ADCY8: variants seen among roughly 807,000 people sequenced by gnomAD.
ADCY8 encodes adenylate cyclase 8, also known as adenylate cyclase type 8.
Under a neutral mutation model 119.7 loss-of-function variants are expected in ADCY8, and 51 were observed. The ratio of observed to expected loss-of-function variants is 0.43; its 90% CI spans 0.34 to 0.54. The LOEUF is 0.54. ADCY8 is among the 20% of genes least tolerant of loss of function. The pLI is 0.03. For missense variants in ADCY8, 1,383 were observed against 1,598.8 expected, an observed-to-expected ratio of 0.87 and a Z score of 2.30; for synonymous variants, 665 against 651.0, an observed-to-expected ratio of 1.02 and a Z score of -0.33.
intron 9 of ADCY8, among the ~76,000 whole-genome samples, chr8:130,860,211 A>G (rs1363417373): frequency 6.6e-6 from 1 of 151,994 alleles, no homozygotes; most frequent in East Asian, 1.9e-4. Context: ...TTGTTTGGTG[A>G]GTTGTTTGTT....
intron 7 of ADCY8, among the ~76,000 whole-genome samples, chr8:130,885,799 CT>C (rs1818961156): frequency 6.6e-6 from 1 of 152,094 alleles, no homozygotes. Flanking sequence ...TGAAAATTCT[CT>C]GCCTTTATAC....
At chr8:130,999,603 T>C (rs531785100) in intron 1 of ADCY8, among the ~76,000 whole-genome samples, 151 of 152,314 alleles carry the variant, frequency 9.9e-4, no homozygotes, top group African/African-American at 3.5e-3. Context: ...GAAGTTGCAC[T>C]ATATTTTCTT....
intron 13 of ADCY8, among the ~76,000 whole-genome samples, chr8:130,820,520 A>G (rs1416043540): frequency 6.6e-6 from 1 of 152,226 alleles, no homozygotes; most frequent in Non-Finnish European, 1.5e-5. Flanking sequence ...GTTGGAGTTC[A>G]CCTGGAGAAG....
rs1354498800 is a variant in ADCY8, at chr8:130,869,508, A to AT, written c.2110-1563dup. 1.2e-3 allele frequency among the ~76,000 whole-genome samples: 167 copies of AT among 137,120 alleles called. 2 individuals carry two copies. Among genetic ancestry groups the AT allele is most frequent in the Non-Finnish European group, 2.1e-3 (137 of 64,604 alleles). 90.0% of individuals were successfully genotyped at this position (137,120 alleles called of 152,430 possible). On this transcript the variant is annotated intron_variant, in intron 8 of 17. Transcript: ENST00000286355. ...TTACTGTTTTTTTTTTATTTTGTTTATTTTTTTTTGTTTTTTTGTTTTTTT... is the reference window on the plus strand; with the variant it reads ...TTACTGTTTTTTTTTTATTTTGTTTATTTTTTTTTTGTTTTTTTGTTTTTTT...
chr8:130,888,125 C>G lies in ADCY8; in HGVS notation c.1912-3364G>C, dbSNP rs550441655. Among the ~76,000 whole-genome samples the G allele has an allele frequency of 1.3e-3, 190 of 151,782 alleles. 1 individual carries two copies. Among genetic ancestry groups the G allele is most frequent in the Middle Eastern group, 3.4e-3 (1 of 292 alleles). On this transcript the variant is annotated intron_variant, in intron 7 of 17. Coordinates refer to ENST00000286355, the MANE Select transcript of ADCY8 (RefSeq NM_001115.3). ...GAGACGGTTCTTTCACATAAACACT[C>G]TAAACAATTGGCTAAAGAATAGGAA... is the stretch of plus-strand genomic sequence containing the variant.
At chr8:130,838,617 A>G (rs1817058509) in intron 11 of ADCY8, among the ~76,000 whole-genome samples, 1 of 141,188 alleles carries the variant, frequency 7.1e-6, no homozygotes, top group Non-Finnish European at 1.6e-5. Flanking sequence ...GCTTTTTGCA[A>G]ATTATGAATC....
Position 130,800,714 on chromosome 8 carries a change from C to T in ADCY8, c.2914-142G>A, listed in dbSNP as rs534038266. ...AAATGAGGCTTGGATATCGTTATGT[C>T]AACAGTGTGTTTTAGTCCATGTGGG... On this transcript the variant is annotated intron_variant, in intron 14 of 17. Coordinates refer to ENST00000286355, the MANE Select transcript of ADCY8 (RefSeq NM_001115.3). The T allele has an allele frequency of 2.2e-4, 203 of 909,102 alleles. 1 individual carries two copies. The South Asian group carries it at 3.2e-3, about 14-fold the overall frequency. 56.3% of individuals were successfully genotyped at this position (909,102 alleles called of 1,614,324 possible).
chr8:131,022,593 A>G (rs1290991681), intron 1 of ADCY8, among the ~76,000 whole-genome samples: 1 of 152,152 alleles, frequency 6.6e-6, no homozygotes, highest in Non-Finnish European at 1.5e-5. Context: ...ATATTATTTG[A>G]TGTCTATATT....
intron 5 of ADCY8, among the ~76,000 whole-genome samples, chr8:130,922,778 T>C (rs1820355538): frequency 6.6e-6 from 1 of 152,200 alleles, no homozygotes; most frequent in Non-Finnish European, 1.5e-5. Flanking sequence ...TCTTTAGGCA[T>C]AGTCTGTTTC....
chr8:131,008,037 T>G (rs1823180122), intron 1 of ADCY8, among the ~76,000 whole-genome samples: 1 of 151,988 alleles, frequency 6.6e-6, no homozygotes, highest in Admixed American at 6.6e-5. Flanking sequence ...ATATAATTTA[T>G]TGTCCAATCA....
chr8:131,026,560 A>G (rs1415286693), intron 1 of ADCY8, among the ~76,000 whole-genome samples: 1 of 152,146 alleles, frequency 6.6e-6, no homozygotes, highest in African/African-American at 2.4e-5. Flanking sequence ...CCCACAAATT[A>G]TGATCTGCAG....
At chr8:130,857,622 T>C (rs963510384) in intron 9 of ADCY8, among the ~76,000 whole-genome samples, 2 of 152,210 alleles carry the variant, frequency 1.3e-5, no homozygotes, top group Admixed American at 1.3e-4. Context: ...TTTGATCCCA[T>C]TGGCAAGACC....
At chr8:131,022,074 A>G (rs985630587) in intron 1 of ADCY8, among the ~76,000 whole-genome samples, 4 of 152,174 alleles carry the variant, frequency 2.6e-5, no homozygotes, top group African/African-American at 9.7e-5. Flanking sequence ...ATTTTGATAT[A>G]TTATGTAATG....
chr8:130,837,606 C>T (rs185604433), intron 11 of ADCY8, among the ~76,000 whole-genome samples: 1 of 152,332 alleles, frequency 6.6e-6, no homozygotes, highest in East Asian at 1.9e-4. Context: ...TCTACCCCAC[C>T]AGATTTCAGC....
intron 1 of ADCY8, among the ~76,000 whole-genome samples, chr8:131,017,855 G>A (rs1169497365): frequency 6.6e-6 from 1 of 151,872 alleles, no homozygotes; most frequent in African/African-American, 2.4e-5. Context: ...GAGATGAGCA[G>A]ACCAGGTTAG....
intron 17 of ADCY8, 139 bp from the exon 18 acceptor site, chr8:130,781,016 A>T: frequency 8.8e-7 from 1 of 1,139,530 alleles, no homozygotes; most frequent in Non-Finnish European, 1.3e-6. Context: ...GCCCCCAGTC[A>T]CTTATTAGAT....
In ADCY8 at chr8:130,847,448, AAACACAGCTGAGG is replaced by A; in HGVS notation, c.2465_2477del (p.Ser822LeufsTer20). ...CCTCTGGGTAGGAGCAGATATCTGT[AAACACAGCTGAGG>A]AATTGAAAGTCAGGTTCTTCAAGGG... On this transcript the variant is annotated frameshift_variant, in exon 11 of 18. Transcript: ENST00000286355. LOFTEE classifies it high-confidence loss of function. 2 of 1,613,382 alleles carry A rather than the reference AAACACAGCTGAGG, an allele frequency of 1.2e-6. No homozygotes were observed. Among genetic ancestry groups the A allele is most frequent in the Non-Finnish European group, 1.7e-6 (2 of 1,179,572 alleles).
intron 3 of ADCY8, among the ~76,000 whole-genome samples, chr8:130,946,191 G>A (rs962506619): frequency 1.3e-5 from 2 of 152,130 alleles, no homozygotes; most frequent in Non-Finnish European, 2.9e-5. Context: ...TTAATTAAAT[G>A]ACTACTATAC....
At chr8:130,897,841 A>G (rs1005261775) in intron 7 of ADCY8, among the ~76,000 whole-genome samples, 1 of 150,236 alleles carries the variant, frequency 6.7e-6, no homozygotes, top group Admixed American at 6.6e-5. Flanking sequence ...TACACAGCAA[A>G]CATACATAAT....
Sources: allele counts gnomAD v4.1 joint callset (sites outside exome capture counted in the v4.1 genomes callset), GRCh38; gene constraint gnomAD v4.1.1; transcripts MANE v1.5; gene names NCBI Gene and HGNC (gene_info 2026-07-23, HGNC 2026-07-21).